The following SLC2A14 variants were observed in gnomAD, a reference collection of about 807,000 sequenced individuals.
SLC2A14 encodes the protein solute carrier family 2, facilitated glucose transporter member 14.
A neutral mutation model predicts 43.0 loss-of-function variants in SLC2A14; 13 were observed. The ratio of observed to expected loss-of-function variants is 0.30; its 90% CI spans 0.20 to 0.48. SLC2A14 has a LOEUF of 0.48. SLC2A14 is among the 20% of genes least tolerant of loss of function. The pLI is 0.99. For synonymous variants in SLC2A14, 190 were observed against 233.8 expected (o/e 0.81, Z 1.71); for missense variants, 428 against 620.4 (o/e 0.69, Z 3.29).
In SLC2A14 at chr12:7,849,155, T is replaced by G. The variant is rs145777065; in HGVS notation, c.19-16341A>C. Among the ~76,000 whole-genome samples the G allele has an allele frequency of 4.6e-5, 7 of 152,228 alleles. No homozygotes were observed. In the East Asian group the frequency reaches 1.4e-3, roughly 30 times the overall value. On this transcript the variant is annotated intron_variant, in intron 2 of 10. Coordinates refer to ENST00000431042, the MANE Select transcript of SLC2A14 (RefSeq NM_001286234.2). The stretch of plus-strand genomic sequence containing the variant: ...CTGGTCTGAGACACTGCGCCCGCTT[T>G]CACTGAGTTCTTATTTGGACCTCTC...
chr12:7,874,620 C>T (rs1026537478), upstream of SLC2A14, among the ~76,000 whole-genome samples: 1 of 148,532 alleles, frequency 6.7e-6, no homozygotes, highest in South Asian at 2.1e-4. Flanking sequence ...TGCAGTGAGC[C>T]GAGATCACGC....
chr12:7,822,395 C>A (rs1462530244), intron 7 of SLC2A14, among the ~76,000 whole-genome samples: 2 of 151,646 alleles, frequency 1.3e-5, no homozygotes, highest in East Asian at 3.9e-4. Context: ...AGGCTGGGTG[C>A]AGTGGCTCAC....
intron 2 of SLC2A14, chr12:7,850,883 T>C (rs1866884370): frequency 6.6e-6 from 1 of 152,200 alleles, no homozygotes. Context: ...GTGTTCCACA[T>C]ACATCAAATG....
intron 2 of SLC2A14, among the ~76,000 whole-genome samples, chr12:7,841,396 G>C (rs139074849): frequency 0.016 from 2,507 of 152,124 alleles, 35 homozygotes; most frequent in Middle Eastern, 0.041. Context: ...AAGCAGCTGG[G>C]ATTACAGGCA....
intron 4 of SLC2A14, 88 bp downstream of exon 4, chr12:7,831,516 G>C: frequency 1.9e-6 from 3 of 1,552,268 alleles, no homozygotes; most frequent in Non-Finnish European, 1.7e-6. Flanking sequence ...TTATTCAAAG[G>C]CATCATCACC....
chr12:7,874,954 T>A (rs1377259477), upstream of SLC2A14, among the ~76,000 whole-genome samples: 24 of 4,792 alleles, frequency 5.0e-3, no homozygotes, highest in South Asian at 0.052. Context: ...ATAAATATAT[T>A]TATATATAAA....
chr12:7,857,245 G>A (rs1019112663), intron 2 of SLC2A14, among the ~76,000 whole-genome samples: 3 of 149,362 alleles, frequency 2.0e-5, no homozygotes, highest in Admixed American at 6.7e-5. Context: ...GCAAGAATCC[G>A]TCTCAAAAAA....
intron 3 of SLC2A14, 40 bp from the exon 4 acceptor site, chr12:7,831,804 G>A (rs755022535): frequency 1.2e-6 from 2 of 1,609,270 alleles, no homozygotes. Context: ...ATTACAGTTG[G>A]ATGAGAACAA....
At chr12:7,874,967 AT>A (rs1465876727), upstream of SLC2A14, among the ~76,000 whole-genome samples, 247 of 7,896 alleles carry the variant, frequency 0.031, no homozygotes, top group South Asian at 0.11. Flanking sequence ...TATATAAATT[AT>A]ATATAAATAT....
chr12:7,834,563 CAAAAA>C (rs34192898), intron 2 of SLC2A14, among the ~76,000 whole-genome samples: 2 of 121,374 alleles, frequency 1.6e-5, no homozygotes, highest in African/African-American at 6.3e-5. Context: ...CCTTCTCTAT[CAAAAA>C]AAAAAAAAAA....
Position 7,814,201 on chromosome 12 carries a change from A to T in SLC2A14, c.*115T>A. ...GCTCATGGAGTGCGTGGGATGAGAA[A>T]GAAATCAAGTAGCAGCATTCAGAAG... is the stretch of plus-strand genomic sequence containing the variant. On this transcript the variant is annotated 3_prime_UTR_variant, in exon 11 of 11. Transcript: ENST00000431042. 1 of 1,503,652 alleles carries T rather than the reference A, an allele frequency of 6.7e-7. No individual in the cohort carries two copies. The highest frequency in any genetic ancestry group is 9.0e-7 in the Non-Finnish European group (1 of 1,115,922). 93.1% of individuals were successfully genotyped at this position (1,503,652 alleles called of 1,614,324 possible).
rs1485968213 is a variant in SLC2A14, at chr12:7,869,897, G to T, written c.-17C>A. The T allele has an allele frequency of 3.3e-6, 5 of 1,529,124 alleles. No individual in the cohort carries two copies. The highest frequency in any genetic ancestry group is 2.4e-5 in the East Asian group (1 of 40,838). 94.7% of individuals were successfully genotyped at this position (1,529,124 alleles called of 1,614,324 possible). ...GTTGTCCATCTCTCTGCTATCCTAG[G>T]AATTGACTCCCTCTCCAATTTCTCT... On this transcript the variant is annotated 5_prime_UTR_variant, in exon 2 of 11. Coordinates refer to ENST00000431042, the MANE Select transcript of SLC2A14 (RefSeq NM_001286234.2).
chr12:7,867,171 C>T (rs1319127686), intron 2 of SLC2A14, among the ~76,000 whole-genome samples: 1 of 150,524 alleles, frequency 6.6e-6, no homozygotes, highest in Non-Finnish European at 1.5e-5. Flanking sequence ...CCCAGCTACT[C>T]TGGAGGCTGA....
At chr12:7,822,862 ACT>A (rs1378588328) in intron 7 of SLC2A14, among the ~76,000 whole-genome samples, 6 of 151,694 alleles carry the variant, frequency 4.0e-5, no homozygotes, top group Non-Finnish European at 7.4e-5. Context: ...TTTTTAATTG[ACT>A]CTTCCCCAAA....
intron 2 of SLC2A14, among the ~76,000 whole-genome samples, chr12:7,833,967 C>A (rs7978163): frequency 0.82 from 124,113 of 151,870 alleles, 53,994 homozygotes; most frequent in Non-Finnish European, 0.98. Flanking sequence ...TCCCTTCAAC[C>A]TTTCCTATCT....
chr12:7,869,622 T>C (rs1015502021), intron 2 of SLC2A14, among the ~76,000 whole-genome samples: 2 of 152,214 alleles, frequency 1.3e-5, no homozygotes, highest in Non-Finnish European at 2.9e-5. Flanking sequence ...ATTTTATCAT[T>C]CGTCTTGTTC....
chr12:7,879,794 C>T (rs1945533732), intron 1 of SLC2A14, among the ~76,000 whole-genome samples: 1 of 152,014 alleles, frequency 6.6e-6, no homozygotes, highest in African/African-American at 2.4e-5. Context: ...CACTTGAGCC[C>T]AAGAGTTCAA....
chr12:7,879,622 T>A (rs1945531176), intron 1 of SLC2A14, among the ~76,000 whole-genome samples: 1 of 151,960 alleles, frequency 6.6e-6, no homozygotes. Context: ...AGGTGGAGGT[T>A]GCAGTGAGCC....
intron 2 of SLC2A14, among the ~76,000 whole-genome samples, chr12:7,834,018 G>A (rs1051040676): frequency 6.7e-6 from 1 of 150,120 alleles, no homozygotes; most frequent in South Asian, 2.2e-4. Flanking sequence ...TAGACCACAG[G>A]CTGAAAGCTT....
Sources: gnomAD v4.1 joint callset for allele counts (sites outside exome capture counted in the v4.1 genomes callset) on GRCh38, gnomAD v4.1.1 for gene constraint, MANE v1.5 for transcripts, NCBI Gene and HGNC (gene_info 2026-07-23, HGNC 2026-07-21) for gene names.